Variants in TSPAN9 observed in about 807,000 individuals in gnomAD.
TSPAN9 encodes the protein tetraspanin-9.
In TSPAN9, 16 loss-of-function variants were observed where a neutral mutation model predicts 31.0. The ratio of observed to expected loss-of-function variants is 0.52; its 90% CI spans 0.35 to 0.78. The LOEUF (loss-of-function observed/expected upper bound fraction) is 0.78. Ranked by LOEUF, TSPAN9 falls within the 30% of genes least tolerant of loss-of-function variation. TSPAN9 has a pLI of 0.01. For missense variants in TSPAN9, 272 were observed against 312.5 expected (o/e 0.87, Z 0.98); for synonymous variants, 145 against 121.6 (o/e 1.19, Z -1.27).
At chr12:3,081,081 C>T (rs1476213875) in intron 1 of TSPAN9, among the ~76,000 whole-genome samples, 2 of 152,166 alleles carry the variant, frequency 1.3e-5, no homozygotes, top group African/African-American at 2.4e-5. Context: ...ATAACAATAC[C>T]AAGTACTCAG....
chr12:3,102,240 C>T (rs185562129), intron 2 of TSPAN9, among the ~76,000 whole-genome samples: 17 of 152,128 alleles, frequency 1.1e-4, no homozygotes, highest in Admixed American at 2.0e-4. Context: ...CCTTCTGCCT[C>T]ACCCTCCTAA....
chr12:3,265,941 T>C (rs1862528343), intron 3 of TSPAN9, among the ~76,000 whole-genome samples: 2 of 152,210 alleles, frequency 1.3e-5, no homozygotes, highest in South Asian at 4.1e-4. Context: ...GACTGCCCTG[T>C]ATGGCATTTG....
chr12:3,228,557 G>A (rs909222535), intron 3 of TSPAN9, among the ~76,000 whole-genome samples: 2 of 152,302 alleles, frequency 1.3e-5, no homozygotes, highest in South Asian at 4.1e-4. Context: ...GATGAAAAAG[G>A]CCCCACTATT....
intron 2 of TSPAN9, among the ~76,000 whole-genome samples, chr12:3,159,316 A>G (rs573117105): frequency 2.0e-5 from 3 of 151,882 alleles, no homozygotes; most frequent in African/African-American, 7.2e-5. Flanking sequence ...TCAGTTCCCC[A>G]TCTGTAATAC....
intron 2 of TSPAN9, among the ~76,000 whole-genome samples, chr12:3,089,277 A>G (rs1374265574): frequency 6.9e-6 from 1 of 144,516 alleles, no homozygotes; most frequent in African/African-American, 2.6e-5. Flanking sequence ...GAAAAATTAG[A>G]TTGTAGCAGA....
At chr12:3,249,799 G>C (rs533545097) in intron 3 of TSPAN9, among the ~76,000 whole-genome samples, 1 of 152,328 alleles carries the variant, frequency 6.6e-6, no homozygotes, top group South Asian at 2.1e-4. Flanking sequence ...CTGAGTGAAT[G>C]ATGGAGCCAG....
intron 2 of TSPAN9, among the ~76,000 whole-genome samples, chr12:3,095,953 C>T (rs1296133599): frequency 6.7e-6 from 1 of 149,784 alleles, no homozygotes; most frequent in Admixed American, 6.6e-5. Flanking sequence ...GCAGAGGCTG[C>T]AATCTCGGCA....
intron 2 of TSPAN9, among the ~76,000 whole-genome samples, chr12:3,145,300 G>A (rs1265856035): frequency 6.6e-6 from 1 of 152,332 alleles, no homozygotes; most frequent in East Asian, 1.9e-4. Context: ...CTCCCTGACT[G>A]CCAGTCCATG....
At chr12:3,208,849 G>T (rs740771) in intron 3 of TSPAN9, among the ~76,000 whole-genome samples, 79,384 of 152,052 alleles carry the variant, frequency 0.52, 22,093 homozygotes, top group Middle Eastern at 0.66. Context: ...TGAAGTGTAC[G>T]CCACATGTAT....
intron 2 of TSPAN9, among the ~76,000 whole-genome samples, chr12:3,101,402 G>A (rs573949903): frequency 4.2e-4 from 64 of 152,098 alleles, no homozygotes; most frequent in Non-Finnish European, 8.5e-4. Flanking sequence ...GGGATGCTGT[G>A]TTTGGAGTTG....
rs74403380 is a variant in TSPAN9 at position 3,126,944 on chromosome 12, C to T, written c.-18+43225C>T. On this transcript the variant is annotated intron_variant, in intron 2 of 8. Coordinates refer to ENST00000011898, the MANE Select transcript of TSPAN9 (RefSeq NM_006675.5). ...TTGACTCATGGTTCTGCAGGTGATA[C>T]AGGAAGCAAAAAAAATTCATGGAGT... Among the ~76,000 whole-genome samples, 1,301 of 152,020 alleles carry T rather than the reference C, an allele frequency of 8.6e-3. 21 individuals are homozygous for T. Among genetic ancestry groups the T allele is most frequent in the African/African-American group, 0.029 (1,183 of 41,458 alleles).
rs1432079523 is a variant in TSPAN9, at chr12:3,280,210, G to T, written c.331-172G>T. On this transcript the variant is annotated intron_variant, in intron 5 of 8. Transcript: ENST00000011898. The surrounding 1 kb of genome is among the most constrained non-coding windows in gnomAD (Gnocchi z 4.5). ...AGTGTGTGCCTAACCCCGCACCTCT[G>T]TTGGGCCAGCAGAGGCCCCCACCCC... Among the ~76,000 whole-genome samples the T allele has an allele frequency of 6.6e-6, 1 of 152,116 alleles. No homozygotes were observed. Among genetic ancestry groups the T allele is most frequent in the Non-Finnish European group, 1.5e-5 (1 of 68,002 alleles).
rs1330238970 is a variant in TSPAN9, at chr12:3,284,975, G to A, written c.*1859G>A. 1 of 152,354 alleles carries A rather than the reference G, an allele frequency of 6.6e-6. No homozygotes were observed. The highest frequency in any genetic ancestry group is 2.4e-5 in the African/African-American group (1 of 41,462). 9.4% of individuals were successfully genotyped at this position (152,354 alleles called of 1,614,324 possible). ...AACCGTTGGCATTATCAGGATTCGT[G>A]TTTTGTGGGGGTGGGAGTGGAGAGT... is the stretch of plus-strand genomic sequence containing the variant. On this transcript the variant is annotated 3_prime_UTR_variant, in exon 9 of 9. Coordinates refer to ENST00000011898, the MANE Select transcript of TSPAN9 (RefSeq NM_006675.5).
intron 3 of TSPAN9, among the ~76,000 whole-genome samples, chr12:3,234,760 A>G (rs1430579345): frequency 3.9e-5 from 6 of 152,196 alleles, no homozygotes; most frequent in Non-Finnish European, 7.3e-5. Flanking sequence ...GCAACTCTAC[A>G]GGAAAGAAGA....
At chr12:3,157,173 C>T (rs1037502797) in intron 2 of TSPAN9, among the ~76,000 whole-genome samples, 1 of 151,290 alleles carries the variant, frequency 6.6e-6, no homozygotes, top group African/African-American at 2.4e-5. Context: ...GATCTCAGCT[C>T]ACTGCAAGCT....
intron 1 of TSPAN9, among the ~76,000 whole-genome samples, chr12:3,082,210 C>G (rs928271025): frequency 1.3e-5 from 2 of 152,122 alleles, no homozygotes; most frequent in African/African-American, 4.8e-5. Flanking sequence ...TTGCATGCAG[C>G]AAGTGGTGGT....
chr12:3,217,673 C>T (rs1392613110), intron 3 of TSPAN9, among the ~76,000 whole-genome samples: 3 of 152,210 alleles, frequency 2.0e-5, no homozygotes, highest in African/African-American at 7.2e-5. Flanking sequence ...GACTCAACTC[C>T]CCTGGCTTCA....
intron 2 of TSPAN9, among the ~76,000 whole-genome samples, chr12:3,177,606 T>C (rs1046358075): frequency 2.0e-5 from 3 of 152,176 alleles, no homozygotes; most frequent in African/African-American, 7.2e-5. Flanking sequence ...CTAGTTTTTG[T>C]ATTTTTAGTA....
chr12:3,219,043 C>T (rs538758600), intron 3 of TSPAN9, among the ~76,000 whole-genome samples: 2 of 152,170 alleles, frequency 1.3e-5, no homozygotes, highest in Non-Finnish European at 2.9e-5. Flanking sequence ...GAAGTGAAGG[C>T]CCCAAATACA....
Sources: gnomAD v4.1 joint callset for allele counts (sites outside exome capture counted in the v4.1 genomes callset) on GRCh38, gnomAD v4.1.1 for gene constraint, Gnocchi (gnomAD v3.1) non-coding constraint, MANE v1.5 for transcripts, NCBI Gene and HGNC (gene_info 2026-07-23, HGNC 2026-07-21) for gene names.